The following CCDC91 variants were observed in gnomAD, a reference collection of about 807,000 sequenced individuals.
The protein encoded by CCDC91 is coiled-coil domain-containing protein 91.
Under a neutral mutation model 63.2 loss-of-function variants are expected in CCDC91, and 48 were observed. The ratio of observed to expected loss-of-function variants is 0.76; its 90% CI spans 0.60 to 0.97. The LOEUF (loss-of-function observed/expected upper bound fraction) is 0.97, where lower values mean the gene tolerates loss of function less well. CCDC91 is among the 50% of genes least tolerant of loss of function. The pLI is 0.00. For missense variants in CCDC91, 500 were observed against 494.6 expected, an observed-to-expected ratio of 1.01 and a Z score of -0.10; for synonymous variants, 167 against 165.8, an observed-to-expected ratio of 1.01 and a Z score of -0.06.
At chr12:28,257,523 A>T (rs1946533136) in intron 2 of CCDC91, among the ~76,000 whole-genome samples, 1 of 152,164 alleles carries the variant, frequency 6.6e-6, no homozygotes, top group Non-Finnish European at 1.5e-5. Context: ...GAAAGATTTT[A>T]AAAATTGTCA....
At chr12:28,190,770 C>T (rs756630736) in intron 1 of CCDC91, 129 bp downstream of exon 1, 6 of 152,354 alleles carry the variant, frequency 3.9e-5, no homozygotes, top group Admixed American at 1.3e-4. Context: ...GCTGCGGCCT[C>T]GCCCTTGGCT....
intron 12 of CCDC91, chr12:28,505,283 C>G (rs1565490547): frequency 6.6e-6 from 1 of 151,860 alleles, no homozygotes. Flanking sequence ...GAAATCCCAT[C>G]TTACTGGCTT....
At chr12:28,403,064 G>T (rs1377696425) in intron 8 of CCDC91, among the ~76,000 whole-genome samples, 1 of 152,094 alleles carries the variant, frequency 6.6e-6, no homozygotes, top group African/African-American at 2.4e-5. Flanking sequence ...AGGATTTTTG[G>T]TGTCTCACAA....
chr12:28,241,428 C>A (rs114183122), intron 1 of CCDC91, among the ~76,000 whole-genome samples: 1 of 152,186 alleles, frequency 6.6e-6, no homozygotes, highest in Non-Finnish European at 1.5e-5. Flanking sequence ...CTGCCTTTCC[C>A]CCAAGTGGCA....
chr12:28,316,177 A>C (rs144571867), intron 6 of CCDC91, among the ~76,000 whole-genome samples: 1,800 of 151,994 alleles, frequency 0.012, 22 homozygotes, highest in Non-Finnish European at 0.019. Context: ...TTAAGAAGTT[A>C]TTACATTATA....
At chr12:28,353,937 G>A (rs1452691147) in intron 6 of CCDC91, among the ~76,000 whole-genome samples, 1 of 152,096 alleles carries the variant, frequency 6.6e-6, no homozygotes, top group Admixed American at 6.5e-5. Flanking sequence ...GAAAAACAAC[G>A]AATGGGTAGT....
At chr12:28,404,121 A>C (rs1946790511) in intron 8 of CCDC91, among the ~76,000 whole-genome samples, 1 of 151,988 alleles carries the variant, frequency 6.6e-6, no homozygotes, top group African/African-American at 2.4e-5. Context: ...TGTTAATTTT[A>C]GATCTTTCTT....
At chr12:28,538,614 A>G (rs935403630) in intron 12 of CCDC91, among the ~76,000 whole-genome samples, 1 of 152,180 alleles carries the variant, frequency 6.6e-6, no homozygotes, top group Non-Finnish European at 1.5e-5. Context: ...TCGTCTGGGT[A>G]TATACCCAGT....
chr12:28,265,452 A>G (rs1947121655), intron 3 of CCDC91, among the ~76,000 whole-genome samples: 1 of 152,080 alleles, frequency 6.6e-6, no homozygotes, highest in African/African-American at 2.4e-5. Flanking sequence ...AGCTATTTGC[A>G]TACAAAGCCA....
chr12:28,478,684 A>G (rs553089168), intron 11 of CCDC91, among the ~76,000 whole-genome samples: 19 of 152,196 alleles, frequency 1.2e-4, no homozygotes, highest in Admixed American at 2.6e-4. Context: ...CAACCTACAG[A>G]ATGGGAGGAA....
At chr12:28,387,451 C>G (rs2139212388) in intron 7 of CCDC91, among the ~76,000 whole-genome samples, 1 of 152,212 alleles carries the variant, frequency 6.6e-6, no homozygotes, top group South Asian at 2.1e-4. Flanking sequence ...AGAGTAAGTT[C>G]TTTCGTGGTG....
At chr12:28,223,645 T>C (rs1429078001) in intron 1 of CCDC91, among the ~76,000 whole-genome samples, 3 of 152,244 alleles carry the variant, frequency 2.0e-5, no homozygotes, top group Admixed American at 6.5e-5. Flanking sequence ...GCTATTATTA[T>C]GTAATTTGAT....
intron 8 of CCDC91, among the ~76,000 whole-genome samples, chr12:28,432,451 T>A (rs11049595): frequency 0.086 from 13,131 of 151,950 alleles, 1,729 homozygotes; most frequent in African/African-American, 0.28. Flanking sequence ...TTTTCCTGCA[T>A]GCTCACACTC....
intron 11 of CCDC91, among the ~76,000 whole-genome samples, chr12:28,461,024 C>G (rs1316077811): frequency 2.6e-5 from 4 of 151,948 alleles, no homozygotes; most frequent in Non-Finnish European, 5.9e-5. Context: ...TAGGTATAGT[C>G]TGTTGCTCCT....
intron 11 of CCDC91, among the ~76,000 whole-genome samples, chr12:28,483,340 G>T (rs781483238): frequency 6.6e-6 from 1 of 152,006 alleles, no homozygotes; most frequent in East Asian, 1.9e-4. Context: ...ATTTTGCTTC[G>T]TGGCATTCAT....
At chr12:28,539,525 T>C (rs530162304) in intron 12 of CCDC91, among the ~76,000 whole-genome samples, 1 of 152,202 alleles carries the variant, frequency 6.6e-6, no homozygotes, top group African/African-American at 2.4e-5. Context: ...TAGTATAGTT[T>C]GAAGTCAGGT....
chr12:28,190,495 C>G lies in CCDC91; in HGVS notation c.-161C>G, dbSNP rs1367164209. The stretch of plus-strand genomic sequence containing the variant: ...CCGGGTGGTGCGTGGGCTACCCCAA[C>G]CTGTGTGGCTGGGCCGCGGTCTCCC... On this transcript the variant is annotated 5_prime_UTR_variant, in exon 1 of 13. Transcript: ENST00000536442. The G allele has an allele frequency of 6.5e-6, 1 of 153,070 alleles. No individual in the cohort carries two copies. The highest frequency in any genetic ancestry group is 1.5e-5 in the Non-Finnish European group (1 of 68,648). 9.5% of individuals were successfully genotyped at this position (153,070 alleles called of 1,614,324 possible). A position where few individuals can be genotyped will look rare whatever the true frequency, so the allele number is the denominator to read the frequency against.
At chr12:28,325,753 G>A (rs1301493683) in intron 6 of CCDC91, among the ~76,000 whole-genome samples, 25 of 151,948 alleles carry the variant, frequency 1.6e-4, no homozygotes, top group Admixed American at 1.6e-3. Flanking sequence ...GAATGAATGA[G>A]GGGGAAGTAT....
At chr12:28,347,314 G>A (rs1942877462) in intron 6 of CCDC91, among the ~76,000 whole-genome samples, 1 of 152,144 alleles carries the variant, frequency 6.6e-6, no homozygotes, top group Non-Finnish European at 1.5e-5. Context: ...CTTTAGAGTT[G>A]TTAATGTAAT....
Sources: allele counts gnomAD v4.1 joint callset (sites outside exome capture counted in the v4.1 genomes callset), GRCh38; gene constraint gnomAD v4.1.1; transcripts MANE v1.5; gene names NCBI Gene and HGNC (gene_info 2026-07-23, HGNC 2026-07-21).